Variants in SLC44A5 observed in about 807,000 individuals in gnomAD.
The protein encoded by SLC44A5 is choline transporter-like protein 5.
In SLC44A5, 57 loss-of-function variants were observed where a neutral mutation model predicts 101.8. The ratio of observed to expected loss-of-function variants is 0.56; its 90% CI spans 0.45 to 0.70. The LOEUF is 0.70. Ranked by LOEUF, SLC44A5 falls within the 30% of genes least tolerant of loss-of-function variation. The probability of loss-of-function intolerance (pLI) is 0.00; values close to 1 mark genes in which losing one functional copy is unlikely to be tolerated. For synonymous variants in SLC44A5, 281 were observed against 290.9 expected, an observed-to-expected ratio of 0.97 and a Z score of 0.35; for missense variants, 737 against 853.1, an observed-to-expected ratio of 0.86 and a Z score of 1.70.
At chr1:75,389,191 T>G (rs1570106492) in intron 3 of SLC44A5, among the ~76,000 whole-genome samples, 1 of 152,308 alleles carries the variant, frequency 6.6e-6, no homozygotes, top group Non-Finnish European at 1.5e-5. Flanking sequence ...AACAGGTACT[T>G]CTACACCTAT....
chr1:75,203,989 T>C lies in SLC44A5; in HGVS notation c.2048-156A>G, dbSNP rs570118959. Among the ~76,000 whole-genome samples, 51 of 152,254 alleles carry C rather than the reference T, an allele frequency of 3.3e-4. No individual in the cohort carries two copies. In the South Asian group the frequency reaches 0.01, roughly 30 times the overall value. ...AAACAGCATAGTTTGGCATCAACAT[T>C]ATTGTAAACATAGTTATGCGAAAAC... On this transcript the variant is annotated intron_variant, in intron 23 of 23. Transcript: ENST00000370859.
intron 2 of SLC44A5, among the ~76,000 whole-genome samples, chr1:75,479,498 C>G (rs546315903): frequency 1.5e-5 from 2 of 131,836 alleles, no homozygotes; most frequent in African/African-American, 5.8e-5. Flanking sequence ...ATTGATAGAC[C>G]GCTAGCAAGA....
intron 4 of SLC44A5, among the ~76,000 whole-genome samples, chr1:75,306,522 T>C (rs1654908665): frequency 6.6e-6 from 1 of 152,038 alleles, no homozygotes; most frequent in East Asian, 1.9e-4. Flanking sequence ...TGGACATTGC[T>C]ATCTCCAGTA....
At chr1:75,441,012 A>G (rs1220220505) in intron 2 of SLC44A5, among the ~76,000 whole-genome samples, 1 of 151,934 alleles carries the variant, frequency 6.6e-6, no homozygotes, top group Non-Finnish European at 1.5e-5. Context: ...AAAAAATGAT[A>G]GAATTAAAAT....
intron 3 of SLC44A5, among the ~76,000 whole-genome samples, chr1:75,377,440 T>G (rs1439156839): frequency 9.5e-5 from 1 of 10,514 alleles, no homozygotes; most frequent in Non-Finnish European, 2.0e-4. Context: ...TCTCCCCATG[T>G]GATAGTCTGA....
the SLC44A5 span, among the ~76,000 whole-genome samples, chr1:75,685,151 G>A: frequency 1.1e-4 from 16 of 152,278 alleles, no homozygotes; most frequent in South Asian, 2.7e-3. Context: ...GCCATGGCAG[G>A]GATGCAGGGC....
intron 1 of SLC44A5, among the ~76,000 whole-genome samples, chr1:75,559,168 G>C (rs906994136): frequency 6.6e-6 from 1 of 151,738 alleles, no homozygotes; most frequent in African/African-American, 2.4e-5. Flanking sequence ...ATATGTAATT[G>C]TTAAAGTACT....
At chr1:75,443,472 C>T (rs1366148056) in intron 2 of SLC44A5, among the ~76,000 whole-genome samples, 4 of 151,650 alleles carry the variant, frequency 2.6e-5, no homozygotes, top group African/African-American at 7.3e-5. Flanking sequence ...AACTTTATGC[C>T]AATATTTATA....
chr1:75,480,267 C>T (rs1667751614), intron 2 of SLC44A5, among the ~76,000 whole-genome samples: 1 of 152,088 alleles, frequency 6.6e-6, no homozygotes, highest in Admixed American at 6.5e-5. Context: ...ATAATAAGAG[C>T]TATCTATGAC....
At chr1:75,379,443 T>C (rs1260787910) in intron 3 of SLC44A5, among the ~76,000 whole-genome samples, 1 of 60,858 alleles carries the variant, frequency 1.6e-5, no homozygotes, top group Non-Finnish European at 2.6e-5. Flanking sequence ...AATGAGGCCA[T>C]TGAACAAGTT....
intron 2 of SLC44A5, among the ~76,000 whole-genome samples, chr1:75,537,033 A>AAAACATATATATAT (rs35829590): frequency 2.3e-5 from 1 of 43,026 alleles, no homozygotes; most frequent in African/African-American, 5.4e-5. Flanking sequence ...AAAAAAAAAA[A>AAAACATATATATAT]ATATATATCT....
chr1:75,474,700 AC>A (rs747695907), intron 2 of SLC44A5, among the ~76,000 whole-genome samples: 32 of 152,340 alleles, frequency 2.1e-4, no homozygotes, highest in Non-Finnish European at 3.7e-4. Context: ...ACAATACAAG[AC>A]AGAGTCATAA....
chr1:75,383,565 C>A (rs1661064216), intron 3 of SLC44A5, among the ~76,000 whole-genome samples: 1 of 151,816 alleles, frequency 6.6e-6, no homozygotes, highest in South Asian at 2.1e-4. Context: ...GTGAAAAGAC[C>A]AAATCTACGT....
intron 6 of SLC44A5, among the ~76,000 whole-genome samples, chr1:75,258,270 C>T (rs942085882): frequency 3.3e-5 from 5 of 152,110 alleles, no homozygotes; most frequent in African/African-American, 1.2e-4. Context: ...CCACGGAGAC[C>T]AGAAAGCTAA....
chr1:75,246,382 T>G (rs1477433443), intron 7 of SLC44A5, among the ~76,000 whole-genome samples: 4 of 152,082 alleles, frequency 2.6e-5, no homozygotes, highest in Non-Finnish European at 5.9e-5. Context: ...AGTAGGAAGA[T>G]ATTCATTCTC....
At chr1:75,675,974 A>T in the SLC44A5 span, among the ~76,000 whole-genome samples, 1 of 152,242 alleles carries the variant, frequency 6.6e-6, no homozygotes, top group Non-Finnish European at 1.5e-5. Context: ...ATCATTAGAG[A>T]AATGCAATTC....
intron 6 of SLC44A5, among the ~76,000 whole-genome samples, chr1:75,265,459 CAT>C (rs899177419): frequency 5.9e-5 from 9 of 152,128 alleles, no homozygotes; most frequent in South Asian, 2.1e-4. Context: ...TGGGTACAAA[CAT>C]AGAATTAGAT....
At chr1:75,306,346 C>T (rs1654896210) in intron 4 of SLC44A5, among the ~76,000 whole-genome samples, 1 of 152,076 alleles carries the variant, frequency 6.6e-6, no homozygotes, top group Non-Finnish European at 1.5e-5. Flanking sequence ...ATCTATGTCC[C>T]GTGAATTATT....
intron 1 of SLC44A5, among the ~76,000 whole-genome samples, chr1:75,594,122 C>A (rs369742816): frequency 6.6e-6 from 1 of 151,924 alleles, no homozygotes; most frequent in Non-Finnish European, 1.5e-5. Context: ...TATACACCTA[C>A]TGTGTACCCA....
Sources: allele counts gnomAD v4.1 joint callset (sites outside exome capture counted in the v4.1 genomes callset), GRCh38; gene constraint gnomAD v4.1.1; transcripts MANE v1.5; gene names NCBI Gene and HGNC (gene_info 2026-07-23, HGNC 2026-07-21).